EXT1: variants seen among roughly 807,000 people sequenced by gnomAD.
EXT1 encodes exostosin-1.
A neutral mutation model predicts 82.5 loss-of-function variants in EXT1; 20 were observed. The observed-to-expected ratio is 0.24, with a 90% CI of 0.17 to 0.35. The LOEUF (loss-of-function observed/expected upper bound fraction) is 0.35, where lower values mean the gene tolerates loss of function less well. Ranked by LOEUF, EXT1 falls within the 10% of genes least tolerant of loss-of-function variation. EXT1 has a pLI of 1.00. For missense variants in EXT1, 757 were observed against 936.5 expected (o/e 0.81, Z 2.50); for synonymous variants, 348 against 350.8 (o/e 0.99, Z 0.09).
intron 1 of EXT1, among the ~76,000 whole-genome samples, chr8:117,941,988 C>G (rs1361680957): frequency 6.6e-6 from 1 of 152,180 alleles, no homozygotes; most frequent in Non-Finnish European, 1.5e-5. Context: ...TCAGATGGGA[C>G]AACTGAGGAT....
At chr8:117,968,058 T>G (rs917277326) in intron 1 of EXT1, among the ~76,000 whole-genome samples, 3 of 152,208 alleles carry the variant, frequency 2.0e-5, no homozygotes, top group Admixed American at 2.0e-4. Context: ...TACATATACA[T>G]GTATCTCTTA....
chr8:118,048,594 T>G (rs1236209126), intron 1 of EXT1, among the ~76,000 whole-genome samples: 1 of 152,154 alleles, frequency 6.6e-6, no homozygotes, highest in African/African-American at 2.4e-5. Context: ...AGAAACCTAT[T>G]TTAGAGGGTA....
chr8:117,858,810 C>CAGGAAGGAAGGAAGGAAGGA (rs71307408), intron 1 of EXT1, among the ~76,000 whole-genome samples: 2 of 34,366 alleles, frequency 5.8e-5, no homozygotes, highest in Non-Finnish European at 1.1e-4. Context: ...CAAGGCAAGG[C>CAGGAAGGAAGGAAGGAAGGA]AGGAAGGAAG....
chr8:117,864,115 A>G (rs1003761901), intron 1 of EXT1, among the ~76,000 whole-genome samples: 3 of 152,218 alleles, frequency 2.0e-5, no homozygotes, highest in African/African-American at 7.2e-5. Context: ...AACGCTGAGA[A>G]ATAGGTCCCA....
rs184038295 is a variant in EXT1 at position 117,996,177 on chromosome 8, A to G, written c.962+113908T>C. Among the ~76,000 whole-genome samples the G allele has an allele frequency of 1.3e-3, 202 of 152,222 alleles. 2 individuals carry two copies. Among genetic ancestry groups the G allele is most frequent in the African/African-American group, 4.5e-3 (188 of 41,528 alleles). ...GCCCTTGGAACCCAGCCACCATATG[A>G]GGAGGAACAGCCGACTACAGGAAGC... On this transcript the variant is annotated intron_variant, in intron 1 of 10. Transcript: ENST00000378204.
At chr8:117,887,615 G>T (rs1813170101) in intron 1 of EXT1, among the ~76,000 whole-genome samples, 1 of 152,030 alleles carries the variant, frequency 6.6e-6, no homozygotes, top group Non-Finnish European at 1.5e-5. Context: ...CTCCCAAAGT[G>T]CTGGGATTAC....
intron 1 of EXT1, among the ~76,000 whole-genome samples, chr8:118,088,825 T>TA (rs1245421423): frequency 6.6e-6 from 1 of 152,014 alleles, no homozygotes; most frequent in Non-Finnish European, 1.5e-5. Flanking sequence ...AGAGAGAAAA[T>TA]AAACAGTTTG....
intron 1 of EXT1, among the ~76,000 whole-genome samples, chr8:117,965,564 T>C (rs1284790508): frequency 6.6e-6 from 1 of 152,182 alleles, no homozygotes; most frequent in Non-Finnish European, 1.5e-5. Flanking sequence ...CAGGAGATCA[T>C]AAGCCAACTT....
intron 1 of EXT1, among the ~76,000 whole-genome samples, chr8:117,959,591 C>G (rs1472531766): frequency 6.6e-6 from 1 of 152,188 alleles, no homozygotes; most frequent in East Asian, 1.9e-4. Flanking sequence ...TTAACCTCCT[C>G]AGTTCACAGA....
chr8:118,091,477 G>T (rs1162930828), intron 1 of EXT1, among the ~76,000 whole-genome samples: 1 of 152,098 alleles, frequency 6.6e-6, no homozygotes, highest in Non-Finnish European at 1.5e-5. Context: ...GGTGGCTCAC[G>T]CCTGTAATCC....
intron 1 of EXT1, among the ~76,000 whole-genome samples, chr8:118,107,845 C>T (rs1294200592): frequency 6.6e-6 from 1 of 152,136 alleles, no homozygotes; most frequent in East Asian, 1.9e-4. Context: ...AGCACCATCC[C>T]GGGCTACATG....
chr8:118,070,327 C>G (rs887515996), intron 1 of EXT1, among the ~76,000 whole-genome samples: 38 of 148,840 alleles, frequency 2.6e-4, no homozygotes, highest in African/African-American at 7.9e-4. Flanking sequence ...AGTAAACATA[C>G]AGTTATTTAA....
intron 1 of EXT1, among the ~76,000 whole-genome samples, chr8:117,884,720 C>T (rs999833695): frequency 3.3e-5 from 5 of 151,990 alleles, no homozygotes; most frequent in African/African-American, 9.7e-5. Flanking sequence ...TAAATATTCA[C>T]CTGCTGTGCT....
chr8:117,885,494 C>CAAAAAAAAAAAA (rs11300586), intron 1 of EXT1, among the ~76,000 whole-genome samples: 7 of 103,388 alleles, frequency 6.8e-5, no homozygotes, highest in Middle Eastern at 5.4e-3. Flanking sequence ...AAGTAACAGA[C>CAAAAAAAAAAAA]AAAAAAAAAA....
At chr8:117,981,735 T>TGGCA (rs1440675517) in intron 1 of EXT1, among the ~76,000 whole-genome samples, 1 of 148,440 alleles carries the variant, frequency 6.7e-6, no homozygotes, top group Non-Finnish European at 1.5e-5. Flanking sequence ...CCAGGCTTGG[T>TGGCA]GGCAGGCAGG....
intron 1 of EXT1, among the ~76,000 whole-genome samples, chr8:117,941,641 G>C (rs1814274643): frequency 6.6e-6 from 1 of 152,216 alleles, no homozygotes; most frequent in Non-Finnish European, 1.5e-5. Flanking sequence ...CTTCTTAAGA[G>C]ACCTGGCACA....
At chr8:117,918,930 G>T (rs559465797) in intron 1 of EXT1, among the ~76,000 whole-genome samples, 1 of 151,186 alleles carries the variant, frequency 6.6e-6, no homozygotes, top group East Asian at 2.0e-4. Context: ...CCATGGATCA[G>T]TTCCCCTAAG....
At chr8:117,983,531 C>T (rs75682675) in intron 1 of EXT1, among the ~76,000 whole-genome samples, 4,641 of 152,114 alleles carry the variant, frequency 0.031, 225 homozygotes, top group African/African-American at 0.11. Context: ...GCAACATGGA[C>T]GCTCAGTAGT....
intron 1 of EXT1, among the ~76,000 whole-genome samples, chr8:117,989,501 C>G (rs1336170373): frequency 1.3e-5 from 2 of 152,138 alleles, no homozygotes; most frequent in African/African-American, 4.8e-5. Flanking sequence ...GCCTGCAGTA[C>G]TCAATAGCTC....
Sources: gnomAD v4.1 joint callset for allele counts (sites outside exome capture counted in the v4.1 genomes callset) on GRCh38, gnomAD v4.1.1 for gene constraint, MANE v1.5 for transcripts, NCBI Gene and HGNC (gene_info 2026-07-23, HGNC 2026-07-21) for gene names.